EEFSEC: variants seen among roughly 807,000 people sequenced by gnomAD.
The protein encoded by EEFSEC is selenocysteine-specific elongation factor.
In EEFSEC, 43 loss-of-function variants were observed where a neutral mutation model predicts 42.1. The observed-to-expected ratio is 1.02, with a 90% CI of 0.80 to 1.32. The LOEUF is 1.32. Among genes scored for constraint, EEFSEC ranks in the 40% most tolerant of loss-of-function variants. The pLI is 0.00. For synonymous variants in EEFSEC, 354 were observed against 339.1 expected (o/e 1.04, Z -0.48); for missense variants, 745 against 803.6 (o/e 0.93, Z 0.88).
intron 6 of EEFSEC, among the ~76,000 whole-genome samples, chr3:128,386,143 G>A (rs1029683852): frequency 1.1e-4 from 17 of 152,182 alleles, no homozygotes; most frequent in South Asian, 4.1e-4. Flanking sequence ...GTGGCAATGG[G>A]TATGGCAGAA....
intron 1 of EEFSEC, among the ~76,000 whole-genome samples, chr3:128,205,751 G>C (rs374684219): frequency 1.3e-5 from 2 of 152,196 alleles, no homozygotes; most frequent in African/African-American, 4.8e-5. Flanking sequence ...TCATCCCACA[G>C]ATCTGGCTTG....
At chr3:128,417,114 C>T in the EEFSEC span, among the ~76,000 whole-genome samples, 5 of 152,086 alleles carry the variant, frequency 3.3e-5, no homozygotes, top group Non-Finnish European at 7.4e-5. This position sits in a 1 kb window ranked among gnomAD's most constrained non-coding sequence, Gnocchi z 4.3. Flanking sequence ...ACCCAATCAC[C>T]TCCTGCTTGG....
chr3:128,421,690 G>A, the EEFSEC span, among the ~76,000 whole-genome samples: 5 of 152,292 alleles, frequency 3.3e-5, no homozygotes, highest in African/African-American at 9.6e-5. Flanking sequence ...GTGGGGGGGC[G>A]CATTCCTCCG....
intron 4 of EEFSEC, among the ~76,000 whole-genome samples, chr3:128,308,610 C>G (rs1248474582): frequency 6.6e-6 from 1 of 152,204 alleles, no homozygotes; most frequent in Non-Finnish European, 1.5e-5. Context: ...ACATTTTTAG[C>G]TAAAGAACTT....
In EEFSEC at chr3:128,264,619, C is replaced by T; in HGVS notation, c.624C>T (p.Leu208=). ...TGGCACCAGTTTCTCTTTTCTAGCT[C>T]CTGACGTCCCAGATTTCCATCCCAA... is the stretch of plus-strand genomic sequence containing the variant. ...APQGIPELIE[L]LTSQISIPTR... is the part of the protein sequence containing the mutation. The change falls in exon 4 of 7, where the codon CTC becomes CTT. Residue 208 remains leucine (L), a splice_region_variant and synonymous_variant. Transcript: ENST00000254730. The T allele has an allele frequency of 1.2e-6, 2 of 1,613,784 alleles. No individual in the cohort carries two copies. Among genetic ancestry groups the T allele is most frequent in the South Asian group, 1.1e-5 (1 of 91,034 alleles).
rs115403228 is a variant in EEFSEC, at chr3:128,321,176, A to G, written c.787-20057A>G. Among the ~76,000 whole-genome samples, 825 of 152,144 alleles carry G rather than the reference A, an allele frequency of 5.4e-3. 17 individuals are homozygous for G. Among genetic ancestry groups the G allele is most frequent in the African/African-American group, 0.019 (787 of 41,502 alleles). ...AGGGTCAGGCAGGCCAAGGTGGGAG[A>G]CAGGTGGGAAGCTCTGGGGGAGAGT... On this transcript the variant is annotated intron_variant, in intron 4 of 6. Transcript: ENST00000254730.
At chr3:128,190,060 A>C (rs1310279576) in intron 1 of EEFSEC, among the ~76,000 whole-genome samples, 1 of 152,042 alleles carries the variant, frequency 6.6e-6, no homozygotes, top group Non-Finnish European at 1.5e-5. Context: ...ACGGGGTTTC[A>C]CCATGTCCCC....
At chr3:128,155,625 T>A (rs1944366118) in intron 1 of EEFSEC, among the ~76,000 whole-genome samples, 1 of 152,232 alleles carries the variant, frequency 6.6e-6, no homozygotes, top group Non-Finnish European at 1.5e-5. Context: ...TTCTTGTGTT[T>A]CCTTCCAGCA....
At chr3:128,190,028 A>G (rs931136444) in intron 1 of EEFSEC, among the ~76,000 whole-genome samples, 1 of 151,030 alleles carries the variant, frequency 6.6e-6, no homozygotes, top group African/African-American at 2.4e-5. Flanking sequence ...ATGCCTGGCA[A>G]ATTTTCTGTA....
chr3:128,245,130 A>G (rs2066114117), intron 1 of EEFSEC, among the ~76,000 whole-genome samples: 1 of 152,132 alleles, frequency 6.6e-6, no homozygotes, highest in East Asian at 1.9e-4. Flanking sequence ...ATATTTTTAG[A>G]AAGTGCCTTT....
intron 1 of EEFSEC, among the ~76,000 whole-genome samples, chr3:128,228,279 G>A (rs2065927570): frequency 1.3e-5 from 2 of 152,154 alleles, no homozygotes; most frequent in Non-Finnish European, 2.9e-5. Flanking sequence ...CAGGGATTGT[G>A]GGGCTCTGAG....
intron 2 of EEFSEC, among the ~76,000 whole-genome samples, chr3:128,248,199 G>A (rs774381791): frequency 4.6e-5 from 7 of 152,190 alleles, no homozygotes; most frequent in African/African-American, 7.2e-5. Flanking sequence ...CTAAATAGCG[G>A]TCACTGGGAG....
At chr3:128,407,548 G>A (rs922433630) in intron 6 of EEFSEC, among the ~76,000 whole-genome samples, 2 of 152,180 alleles carry the variant, frequency 1.3e-5, no homozygotes, top group Non-Finnish European at 2.9e-5. Context: ...GGGGGTGAAG[G>A]CAGCCCAGGT....
chr3:128,399,331 G>C (rs2068021266), intron 6 of EEFSEC, among the ~76,000 whole-genome samples: 1 of 152,142 alleles, frequency 6.6e-6, no homozygotes, highest in Admixed American at 6.5e-5. Flanking sequence ...GGGGGTGCGG[G>C]GCGCTGGTTG....
chr3:128,376,082 G>A (rs2067706543), intron 6 of EEFSEC, among the ~76,000 whole-genome samples: 1 of 152,210 alleles, frequency 6.6e-6, no homozygotes, highest in South Asian at 2.1e-4. Flanking sequence ...TCTTCCAGCT[G>A]CAAGTCCAGT....
chr3:128,331,889 T>A (rs1411969655), intron 4 of EEFSEC, among the ~76,000 whole-genome samples: 1 of 152,060 alleles, frequency 6.6e-6, no homozygotes, highest in Non-Finnish European at 1.5e-5. Context: ...ATCTACAAGA[T>A]CTAGTAAAAC....
chr3:128,338,986 C>T (rs1257461845), intron 4 of EEFSEC, among the ~76,000 whole-genome samples: 2 of 152,280 alleles, frequency 1.3e-5, no homozygotes, highest in African/African-American at 2.4e-5. Flanking sequence ...TTTAGAAAGC[C>T]GCACAGGCTG....
chr3:128,421,857 G>T, the EEFSEC span, among the ~76,000 whole-genome samples: 1 of 152,310 alleles, frequency 6.6e-6, no homozygotes, highest in East Asian at 1.9e-4. Context: ...CTGGAGCTGG[G>T]CTGGGCCCAG....
At chr3:128,382,353 G>A (rs184840181) in intron 6 of EEFSEC, among the ~76,000 whole-genome samples, 1 of 152,338 alleles carries the variant, frequency 6.6e-6, no homozygotes, top group Non-Finnish European at 1.5e-5. Context: ...CTATGCCCTC[G>A]TCTCAGAGCA....
Sources: allele counts gnomAD v4.1 joint callset (sites outside exome capture counted in the v4.1 genomes callset), GRCh38; gene constraint gnomAD v4.1.1; non-coding constraint Gnocchi (gnomAD v3.1); transcripts MANE v1.5; gene names NCBI Gene and HGNC (gene_info 2026-07-23, HGNC 2026-07-21).